SHROOM3: variants seen among roughly 807,000 people sequenced by gnomAD.
The protein encoded by SHROOM3 is shroom family member 3.
SHROOM3 carries 47 observed loss-of-function variants against 138.6 expected under a neutral mutation model. The ratio of observed to expected loss-of-function variants is 0.34; its 90% CI spans 0.27 to 0.43. The LOEUF is 0.43. Among genes scored for constraint, SHROOM3 ranks in the 20% least tolerant of loss-of-function variants. The probability of loss-of-function intolerance (pLI) is 1.00; values close to 1 mark genes in which losing one functional copy is unlikely to be tolerated. For synonymous variants in SHROOM3, 1,062 were observed against 1,063.3 expected (o/e 1.00, Z 0.02); for missense variants, 2,491 against 2,596.5 (o/e 0.96, Z 0.88).
At chr4:76,604,828 T>C (rs1456941735) in intron 2 of SHROOM3, among the ~76,000 whole-genome samples, 1 of 152,234 alleles carries the variant, frequency 6.6e-6, no homozygotes, top group Admixed American at 6.5e-5. Flanking sequence ...CTGTTGATTT[T>C]AGATTGAATT....
chr4:76,627,923 G>T (rs1735194259), intron 2 of SHROOM3, among the ~76,000 whole-genome samples: 1 of 152,124 alleles, frequency 6.6e-6, no homozygotes, highest in Non-Finnish European at 1.5e-5. Flanking sequence ...ATAAATATTA[G>T]CCCCAAGTTA....
At chr4:76,538,685 T>C (rs1733033621) in intron 1 of SHROOM3, among the ~76,000 whole-genome samples, 1 of 152,224 alleles carries the variant, frequency 6.6e-6, no homozygotes, top group Non-Finnish European at 1.5e-5. Context: ...AAGGGCCTAC[T>C]CTACTTTTCC....
At chr4:76,580,332 G>A (rs539451795) in intron 2 of SHROOM3, among the ~76,000 whole-genome samples, 1 of 152,144 alleles carries the variant, frequency 6.6e-6, no homozygotes, top group South Asian at 2.1e-4. Context: ...GTCCCATTCC[G>A]AAGTTGCCGT....
chr4:76,444,931 T>C (rs1392335783), intron 1 of SHROOM3, among the ~76,000 whole-genome samples: 1 of 149,008 alleles, frequency 6.7e-6, no homozygotes, highest in Non-Finnish European at 1.5e-5. Flanking sequence ...ACCCTGTCTC[T>C]ACAAAAAATA....
intron 1 of SHROOM3, among the ~76,000 whole-genome samples, chr4:76,540,855 C>A (rs966628368): frequency 1.3e-5 from 2 of 152,094 alleles, no homozygotes; most frequent in Admixed American, 6.5e-5. Flanking sequence ...TGATATGAAT[C>A]TGATGAAGAA....
In SHROOM3 at chr4:76,741,413, G is replaced by T. The variant is rs549033378; in HGVS notation, c.3240G>T (p.Gln1080His). The T allele has an allele frequency of 6.3e-6, 10 of 1,599,096 alleles. No homozygotes were observed. The African/African-American group carries it at 1.3e-4, about 21-fold the overall frequency. ...TLSLSGPELK[Q>H]FQQSALADYI... is the part of the protein sequence containing the mutation. ...GCCTGTCGGGGCCCGAGCTGAAGCAGTTCCAGCAGAGCGCCCTGGCGGACT... is the reference window on the plus strand; with the variant it reads ...GCCTGTCGGGGCCCGAGCTGAAGCATTTCCAGCAGAGCGCCCTGGCGGACT... Residue 1080 changes from glutamine to histidine, a missense_variant, in exon 5 of 11, where the codon CAG becomes CAT. This residue lies in a region of SHROOM3 where 1,733 missense variants were observed against 1,661.6 expected (regional missense o/e 1.04). Coordinates refer to ENST00000296043, the MANE Select transcript of SHROOM3 (RefSeq NM_020859.4). This position sits in a 1 kb window ranked among gnomAD's most constrained non-coding sequence, Gnocchi z 6.2.
Position 76,741,338 on chromosome 4 carries a change from C to T in SHROOM3, c.3165C>T (p.Ala1055=), listed in dbSNP as rs767865258. 5.0e-6 allele frequency: 8 copies of T among 1,610,432 alleles called. No individual in the cohort carries two copies. In the East Asian group the frequency reaches 1.3e-4, roughly 27 times the overall value. Residue 1055 remains alanine (A), a synonymous_variant, in exon 5 of 11, where the codon GCC becomes GCT. Coordinates refer to ENST00000296043, the MANE Select transcript of SHROOM3 (RefSeq NM_020859.4). The surrounding 1 kb of genome is among the most constrained non-coding windows in gnomAD (Gnocchi z 6.2). ...TGCGTTTCCCGGAGAGCAGCGTGGC[C>T]GACCGGCGCCGTCTCTTCGAGCGCG... ...NGMRFPESSV[A]DRRRLFERDG...
chr4:76,502,465 C>T (rs1217740910), intron 1 of SHROOM3, among the ~76,000 whole-genome samples: 1 of 151,992 alleles, frequency 6.6e-6, no homozygotes, highest in East Asian at 1.9e-4. Context: ...GGGACTGAAC[C>T]CTCAACTTGT....
At chr4:76,519,349 T>C (rs183637613) in intron 1 of SHROOM3, among the ~76,000 whole-genome samples, 12 of 152,308 alleles carry the variant, frequency 7.9e-5, no homozygotes, top group Admixed American at 4.6e-4. Flanking sequence ...TCCTAAATGT[T>C]CAGAGGGTGC....
chr4:76,578,161 G>A (rs1733976605), intron 2 of SHROOM3, among the ~76,000 whole-genome samples: 1 of 152,174 alleles, frequency 6.6e-6, no homozygotes, highest in African/African-American at 2.4e-5. Context: ...GGGAGGCTAT[G>A]GAGTGCAATG....
intron 3 of SHROOM3, among the ~76,000 whole-genome samples, chr4:76,723,840 C>T (rs1260892835): frequency 6.6e-6 from 1 of 152,196 alleles, no homozygotes; most frequent in Non-Finnish European, 1.5e-5. Context: ...GGTTGGCACT[C>T]AGTAGGCACT....
At chr4:76,454,928 T>C (rs1187280151) in intron 1 of SHROOM3, among the ~76,000 whole-genome samples, 2 of 152,212 alleles carry the variant, frequency 1.3e-5, no homozygotes, top group Non-Finnish European at 2.9e-5. Context: ...ATATGGAATT[T>C]TTTTTATTTC....
At chr4:76,586,499 G>A in intron 2 of SHROOM3, 7 of 979,732 alleles carry the variant, frequency 7.1e-6, no homozygotes, top group Non-Finnish European at 8.5e-6. Context: ...ACGATTTCTC[G>A]ATGACATTAT....
intron 1 of SHROOM3, among the ~76,000 whole-genome samples, chr4:76,469,034 C>CAAA (rs530021753): frequency 1.1e-5 from 1 of 87,404 alleles, no homozygotes; most frequent in Non-Finnish European, 2.4e-5. Flanking sequence ...ATTCCATCTC[C>CAAA]AAAAAAAAAA....
chr4:76,540,718 A>G (rs1414100146), intron 1 of SHROOM3, among the ~76,000 whole-genome samples: 1 of 152,128 alleles, frequency 6.6e-6, no homozygotes, highest in Non-Finnish European at 1.5e-5. Flanking sequence ...ATATCAAGAG[A>G]TTTGTTATTT....
At chr4:76,750,152 G>A (rs1218042597) in intron 6 of SHROOM3, among the ~76,000 whole-genome samples, 1 of 152,152 alleles carries the variant, frequency 6.6e-6, no homozygotes. Context: ...GTGTTGACAA[G>A]GAAGAAAGTA....
At chr4:76,644,468 C>T (rs542156929) in intron 2 of SHROOM3, 76 of 151,724 alleles carry the variant, frequency 5.0e-4, no homozygotes, top group African/African-American at 1.8e-3. Context: ...TCAGGCTGTT[C>T]TCGAACTCCT....
chr4:76,773,246 T>TGGCATAC (rs1317485345), intron 10 of SHROOM3, among the ~76,000 whole-genome samples: 6 of 151,074 alleles, frequency 4.0e-5, no homozygotes, highest in African/African-American at 9.7e-5. Flanking sequence ...GTGTGGCGGG[T>TGGCATAC]GCCTGTAATC....
intron 2 of SHROOM3, among the ~76,000 whole-genome samples, chr4:76,656,996 A>G (rs1736077134): frequency 6.6e-6 from 1 of 152,068 alleles, no homozygotes; most frequent in Non-Finnish European, 1.5e-5. Context: ...ACATAGTGAA[A>G]CCACCATCTC....
Sources: allele counts gnomAD v4.1 joint callset (sites outside exome capture counted in the v4.1 genomes callset), GRCh38; gene constraint gnomAD v4.1.1; regional missense constraint gnomAD v4.1.1; non-coding constraint Gnocchi (gnomAD v3.1); transcripts MANE v1.5; gene names NCBI Gene and HGNC (gene_info 2026-07-23, HGNC 2026-07-21).